SPAG16: variants seen among roughly 807,000 people sequenced by gnomAD.
SPAG16 encodes the protein sperm-associated antigen 16 protein.
In SPAG16, 86 loss-of-function variants were observed where a neutral mutation model predicts 80.4. The observed-to-expected ratio is 1.07, with a 90% CI of 0.90 to 1.28. The LOEUF (loss-of-function observed/expected upper bound fraction) is 1.28. Ranked by LOEUF, SPAG16 falls within the 50% of genes most tolerant of loss-of-function variation. SPAG16 has a pLI of 0.00. For synonymous variants in SPAG16, 294 were observed against 265.9 expected (o/e 1.11, Z -1.03); for missense variants, 870 against 765.3 (o/e 1.14, Z -1.61).
intron 9 of SPAG16, among the ~76,000 whole-genome samples, chr2:213,428,994 A>T (rs897426983): frequency 9.2e-5 from 14 of 151,964 alleles, no homozygotes; most frequent in Admixed American, 8.5e-4. Flanking sequence ...CAGGAGGCTA[A>T]GGCAGGAGAA....
chr2:213,757,345 A>G (rs2068398502), intron 10 of SPAG16, among the ~76,000 whole-genome samples: 1 of 152,088 alleles, frequency 6.6e-6, no homozygotes, highest in Non-Finnish European at 1.5e-5. Flanking sequence ...TTTTTCTGAA[A>G]TAGAAAAAGC....
chr2:213,924,650 T>C (rs1363789869), intron 11 of SPAG16, among the ~76,000 whole-genome samples: 1 of 152,184 alleles, frequency 6.6e-6, no homozygotes, highest in Non-Finnish European at 1.5e-5. Context: ...CTTTTTCATT[T>C]TGCTTTGCTT....
chr2:213,903,468 C>T (rs1057093595), intron 11 of SPAG16, among the ~76,000 whole-genome samples: 12 of 152,302 alleles, frequency 7.9e-5, no homozygotes, highest in Middle Eastern at 3.4e-3. Context: ...CCAAGCTCTA[C>T]GTTGGCCCCT....
At chr2:213,917,352 A>G (rs879279426) in intron 11 of SPAG16, among the ~76,000 whole-genome samples, 1 of 152,106 alleles carries the variant, frequency 6.6e-6, no homozygotes, top group African/African-American at 2.4e-5. Context: ...TGAATCTATA[A>G]ACTGCTTTGG....
At chr2:213,896,361 G>A (rs1424470006) in intron 11 of SPAG16, among the ~76,000 whole-genome samples, 1 of 151,806 alleles carries the variant, frequency 6.6e-6, no homozygotes, top group Admixed American at 6.6e-5. Context: ...ATGTAAATTT[G>A]CATAGCTACT....
intron 10 of SPAG16, among the ~76,000 whole-genome samples, chr2:213,820,493 G>T (rs1228332310): frequency 6.6e-6 from 1 of 152,048 alleles, no homozygotes; most frequent in East Asian, 1.9e-4. Context: ...AGGAATAGAT[G>T]CTTAAAAAGT....
At chr2:214,387,577 A>G (rs1324970734) in intron 15 of SPAG16, among the ~76,000 whole-genome samples, 1 of 152,212 alleles carries the variant, frequency 6.6e-6, no homozygotes, top group Non-Finnish European at 1.5e-5. Context: ...AAAGTGTGGT[A>G]TATGTCCATC....
At chr2:213,759,330 AAT>A (rs139577546) in intron 10 of SPAG16, among the ~76,000 whole-genome samples, 3 of 151,744 alleles carry the variant, frequency 2.0e-5, no homozygotes, top group Non-Finnish European at 4.4e-5. Flanking sequence ...TTAAGAGGTT[AAT>A]ATATATATAT....
At chr2:213,939,815 A>ACAAATAGAG (rs773701906) in intron 12 of SPAG16, among the ~76,000 whole-genome samples, 16 of 152,220 alleles carry the variant, frequency 1.1e-4, no homozygotes, top group Admixed American at 4.6e-4. Flanking sequence ...TCAAGCAATA[A>ACAAATAGAG]CAAATAGAGA....
At chr2:213,586,729 T>C (rs974440348) in intron 10 of SPAG16, among the ~76,000 whole-genome samples, 2 of 152,220 alleles carry the variant, frequency 1.3e-5, no homozygotes, top group African/African-American at 4.8e-5. Context: ...CCTGTGAATC[T>C]GTGAAATCAG....
intron 14 of SPAG16, among the ~76,000 whole-genome samples, chr2:214,128,625 A>G (rs2054608889): frequency 6.6e-6 from 1 of 151,836 alleles, no homozygotes; most frequent in African/African-American, 2.4e-5. Context: ...TTCTTATCTA[A>G]CGGATTTCAA....
chr2:213,759,743 A>G (rs1009477982), intron 10 of SPAG16, among the ~76,000 whole-genome samples: 14 of 152,192 alleles, frequency 9.2e-5, no homozygotes, highest in African/African-American at 3.1e-4. Flanking sequence ...AGCTATAACG[A>G]ATTCAAATAG....
At chr2:214,313,629 T>G (rs1046405852) in intron 15 of SPAG16, among the ~76,000 whole-genome samples, 1 of 152,154 alleles carries the variant, frequency 6.6e-6, no homozygotes, top group African/African-American at 2.4e-5. Context: ...TTCACTAGTT[T>G]AAAGTATTTC....
Position 214,237,374 on chromosome 2 carries a change from G to A in SPAG16, c.1720+88108G>A, listed in dbSNP as rs73989404. ...ATTAATTGCTGTTAGCATTTTATTC[G>A]TAAGATAATTACCATACATGTAATC... is the stretch of plus-strand genomic sequence containing the variant. On this transcript the variant is annotated intron_variant, in intron 15 of 15. Coordinates refer to ENST00000331683, the MANE Select transcript of SPAG16 (RefSeq NM_024532.5). Among the ~76,000 whole-genome samples, 445 of 151,174 alleles carry A rather than the reference G, an allele frequency of 2.9e-3. 1 individual carries two copies. The highest frequency in any genetic ancestry group is 9.6e-3 in the African/African-American group (394 of 41,222).
At chr2:213,833,393 G>T (rs1469942642) in intron 10 of SPAG16, among the ~76,000 whole-genome samples, 1 of 108,724 alleles carries the variant, frequency 9.2e-6, no homozygotes, top group Non-Finnish European at 1.8e-5. Flanking sequence ...CATGAGGCAT[G>T]TGTGTGAATG....
At chr2:213,866,804 T>TA (rs2075705951) in intron 11 of SPAG16, among the ~76,000 whole-genome samples, 1 of 152,226 alleles carries the variant, frequency 6.6e-6, no homozygotes, top group African/African-American at 2.4e-5. Context: ...AGTTGGTGTT[T>TA]ACTCTCTTTA....
chr2:213,358,605 A>G (rs1314966365), intron 7 of SPAG16, among the ~76,000 whole-genome samples: 2 of 152,180 alleles, frequency 1.3e-5, no homozygotes, highest in African/African-American at 4.8e-5. Flanking sequence ...TTTCAGCTCC[A>G]TCAGGTCATT....
intron 13 of SPAG16, among the ~76,000 whole-genome samples, chr2:214,022,326 G>A (rs762645390): frequency 1.1e-4 from 16 of 151,986 alleles, no homozygotes; most frequent in Non-Finnish European, 1.9e-4. Flanking sequence ...AGCACGATAG[G>A]AACATGCAGC....
In SPAG16 at chr2:214,226,063, G is replaced by C. The variant is rs115066448; in HGVS notation, c.1720+76797G>C. Among the ~76,000 whole-genome samples the C allele has an allele frequency of 5.0e-3, 758 of 152,146 alleles. 5 individuals carry two copies. Among genetic ancestry groups the C allele is most frequent in the African/African-American group, 0.017 (717 of 41,536 alleles). ...TAGGCTGGAGACAGAATCTGAAAAG[G>C]TTTTCATTTGCAAATTACTGCATAA... On this transcript the variant is annotated intron_variant, in intron 15 of 15. Coordinates refer to ENST00000331683, the MANE Select transcript of SPAG16 (RefSeq NM_024532.5).
Sources: allele counts gnomAD v4.1 joint callset (sites outside exome capture counted in the v4.1 genomes callset), GRCh38; gene constraint gnomAD v4.1.1; transcripts MANE v1.5; gene names NCBI Gene and HGNC (gene_info 2026-07-23, HGNC 2026-07-21).